Variants in NUFIP1 observed in about 807,000 individuals in gnomAD.
NUFIP1 encodes nuclear FMR1 interacting protein 1, also known as FMR1-interacting protein NUFIP1.
Under a neutral mutation model 56.2 loss-of-function variants are expected in NUFIP1, and 38 were observed. That is an observed-to-expected ratio of 0.68 (90% CI 0.52 to 0.89). The LOEUF (loss-of-function observed/expected upper bound fraction) is 0.89, where lower values mean the gene tolerates loss of function less well. Among genes scored for constraint, NUFIP1 ranks in the 40% least tolerant of loss-of-function variants. The pLI is 0.00. For missense variants in NUFIP1, 567 were observed against 605.8 expected (o/e 0.94, Z 0.67); for synonymous variants, 215 against 212.4 (o/e 1.01, Z -0.10).
chr13:44,980,948 T>G (rs956512357), intron 2 of NUFIP1, 128 bp from the exon 3 acceptor site: 1 of 578,724 alleles, frequency 1.7e-6, no homozygotes. Context: ...GGGAGAAGCT[T>G]GTGAGTATAT....
intron 9 of NUFIP1, among the ~76,000 whole-genome samples, chr13:44,941,562 G>A (rs1870737347): frequency 1.3e-5 from 2 of 152,222 alleles, no homozygotes; most frequent in Admixed American, 1.3e-4. Flanking sequence ...TGCCCAGGCT[G>A]GAGTGCAGTG....
intron 9 of NUFIP1, among the ~76,000 whole-genome samples, chr13:44,941,577 G>GA (rs1299231918): frequency 6.6e-6 from 1 of 152,186 alleles, no homozygotes; most frequent in African/African-American, 2.4e-5. Context: ...GCAGTGGCGG[G>GA]ATCTCAGCTC....
intron 9 of NUFIP1, among the ~76,000 whole-genome samples, chr13:44,942,032 C>T (rs1261418714): frequency 6.6e-6 from 1 of 151,974 alleles, no homozygotes; most frequent in Non-Finnish European, 1.5e-5. Flanking sequence ...CTCAGCCTCC[C>T]GAGTAGCTGG....
intron 8 of NUFIP1, among the ~76,000 whole-genome samples, chr13:44,947,234 C>CTTTT (rs899115570): frequency 4.8e-5 from 6 of 124,312 alleles, no homozygotes; most frequent in Non-Finnish European, 6.8e-5. Context: ...AAGCTTATTC[C>CTTTT]TTTTTTTTTT....
At position 44,946,065 on chromosome 13, in the gene NUFIP1, T is replaced by C. The variant is rs189356049; in HGVS notation, c.1139-2391A>G. Among the ~76,000 whole-genome samples, 3 of 152,220 alleles carry C rather than the reference T, an allele frequency of 2.0e-5. No individual in the cohort carries two copies. The East Asian group carries it at 5.8e-4, about 29-fold the overall frequency. Reference sequence around the variant, plus strand: ...ATCTCTACCTAAATCTCTTCATCTATAAAATAGAGATGATAAATAAGAAAA... The same window carrying C: ...ATCTCTACCTAAATCTCTTCATCTACAAAATAGAGATGATAAATAAGAAAA... On this transcript the variant is annotated intron_variant, in intron 8 of 9. Coordinates refer to ENST00000379161, the MANE Select transcript of NUFIP1 (RefSeq NM_012345.3).
intron 8 of NUFIP1, among the ~76,000 whole-genome samples, chr13:44,946,208 C>T (rs1207002866): frequency 1.3e-5 from 2 of 152,052 alleles, no homozygotes; most frequent in Non-Finnish European, 2.9e-5. Context: ...GAAATGAGGA[C>T]GGGACTAACA....
chr13:44,962,965 A>T lies in NUFIP1; in HGVS notation c.827+2879T>A, dbSNP rs571388952. Among the ~76,000 whole-genome samples, 51 of 152,210 alleles carry T rather than the reference A, an allele frequency of 3.4e-4. No individual in the cohort carries two copies. In the East Asian group the frequency reaches 9.6e-3, roughly 29 times the overall value. ...CTGTATTATCTAAGTTTGTTTAAGT[A>T]TACTCTATGATATTCATAACGACAA... On this transcript the variant is annotated intron_variant, in intron 6 of 9. Coordinates refer to ENST00000379161, the MANE Select transcript of NUFIP1 (RefSeq NM_012345.3).
intron 5 of NUFIP1, among the ~76,000 whole-genome samples, chr13:44,966,256 T>C (rs926049283): frequency 6.6e-6 from 1 of 152,100 alleles, no homozygotes; most frequent in African/African-American, 2.4e-5. Flanking sequence ...ATAAATACTG[T>C]AAAAAAAATT....
chr13:44,984,523 T>A (rs1025971858), intron 1 of NUFIP1, among the ~76,000 whole-genome samples: 1 of 152,052 alleles, frequency 6.6e-6, no homozygotes, highest in Non-Finnish European at 1.5e-5. Context: ...GTGCCTGTAG[T>A]CCCAGCTACT....
At chr13:44,964,302 G>A (rs1007783621) in intron 6 of NUFIP1, among the ~76,000 whole-genome samples, 8 of 151,962 alleles carry the variant, frequency 5.3e-5, no homozygotes, top group Non-Finnish European at 1.2e-4. Context: ...TCTGTTTCTG[G>A]CCAAAATAAA....
chr13:44,982,758 G>A (rs1487177125), intron 1 of NUFIP1, among the ~76,000 whole-genome samples: 1 of 151,972 alleles, frequency 6.6e-6, no homozygotes, highest in East Asian at 1.9e-4. Flanking sequence ...TATAATCCTA[G>A]CACTTTGGGA....
chr13:44,984,070 C>T (rs898271893), intron 1 of NUFIP1, among the ~76,000 whole-genome samples: 1 of 152,210 alleles, frequency 6.6e-6, no homozygotes, highest in Non-Finnish European at 1.5e-5. Context: ...CTTCCCCATA[C>T]CTTTCACATA....
chr13:44,979,069 A>G, intron 5 of NUFIP1, 121 bp downstream of exon 5: 1 of 721,198 alleles, frequency 1.4e-6, no homozygotes, highest in Non-Finnish European at 2.3e-6. Flanking sequence ...AGTCTTACAT[A>G]ATATGCCTTA....
intron 2 of NUFIP1, 135 bp from the exon 3 acceptor site, chr13:44,980,955 A>G (rs558423059): frequency 3.5e-6 from 2 of 564,658 alleles, no homozygotes; most frequent in East Asian, 6.3e-5. Flanking sequence ...GCTTGTGAGT[A>G]TATTTCCAAT....
chr13:44,982,475 C>T (rs1001340590), intron 1 of NUFIP1, among the ~76,000 whole-genome samples: 3 of 152,172 alleles, frequency 2.0e-5, no homozygotes, highest in African/African-American at 4.8e-5. Context: ...ATCCCCAACA[C>T]TGCTCCTTCA....
intron 5 of NUFIP1, among the ~76,000 whole-genome samples, chr13:44,978,003 T>C (rs977919641): frequency 6.6e-6 from 1 of 152,142 alleles, no homozygotes; most frequent in African/African-American, 2.4e-5. Flanking sequence ...GGGCTGAGAT[T>C]GCGCCACTGC....
intron 1 of NUFIP1, among the ~76,000 whole-genome samples, chr13:44,986,929 C>G (rs1201891619): frequency 6.6e-6 from 1 of 152,104 alleles, no homozygotes; most frequent in Non-Finnish European, 1.5e-5. Context: ...TCAAGGAATC[C>G]TCCTGCCTCA....
At chr13:44,943,819 A>G (rs907488817) in intron 8 of NUFIP1, 145 bp from the exon 9 acceptor site, 1 of 676,570 alleles carries the variant, frequency 1.5e-6, no homozygotes, top group African/African-American at 1.8e-5. Context: ...AGATTTTTGC[A>G]AGGCATTTAT....
intron 8 of NUFIP1, among the ~76,000 whole-genome samples, 181 bp from the exon 9 acceptor site, chr13:44,943,855 G>T (rs1870829397): frequency 6.6e-6 from 1 of 152,062 alleles, no homozygotes; most frequent in Non-Finnish European, 1.5e-5. Flanking sequence ...TTTTCAAATT[G>T]GAAGCTGTAA....
Sources: gnomAD v4.1 joint callset for allele counts (sites outside exome capture counted in the v4.1 genomes callset) on GRCh38, gnomAD v4.1.1 for gene constraint, MANE v1.5 for transcripts, NCBI Gene and HGNC (gene_info 2026-07-23, HGNC 2026-07-21) for gene names.